The following CDCA5 variants were observed in gnomAD, a reference collection of about 807,000 sequenced individuals.
CDCA5 encodes cell division cycle associated 5, also known as sororin.
A neutral mutation model predicts 25.7 loss-of-function variants in CDCA5; 14 were observed. That is an observed-to-expected ratio of 0.54 (90% CI 0.36 to 0.85). The LOEUF (loss-of-function observed/expected upper bound fraction) is 0.85. Ranked by LOEUF, CDCA5 falls within the 40% of genes least tolerant of loss-of-function variation. CDCA5 has a pLI of 0.01. For missense variants in CDCA5, 307 were observed against 324.5 expected, an observed-to-expected ratio of 0.95 and a Z score of 0.41; for synonymous variants, 127 against 128.7, an observed-to-expected ratio of 0.99 and a Z score of 0.09.
At chr11:65,066,572 C>T (rs552708955) in exon 6 of CDCA5, 2 of 1,289,394 alleles carry the variant, frequency 1.6e-6, no homozygotes, top group South Asian at 2.5e-5. Flanking sequence ...CCACCTCCGG[C>T]AGGGCCTGGC....
chr11:65,061,501 G>A (rs1237253366), downstream of CDCA5, among the ~76,000 whole-genome samples: 2 of 152,160 alleles, frequency 1.3e-5, no homozygotes, highest in Non-Finnish European at 2.9e-5. Flanking sequence ...TAGGCCAGGC[G>A]CGGTGGCTCA....
intron 1 of CDCA5, 105 bp from the exon 2 acceptor site, chr11:65,083,828 G>A: frequency 6.3e-7 from 1 of 1,587,842 alleles, no homozygotes; most frequent in Non-Finnish European, 8.6e-7. Context: ...GCCCTTTTAA[G>A]GGCGCCTCCT....
At chr11:65,081,515 G>T (rs1004436723) in intron 4 of CDCA5, among the ~76,000 whole-genome samples, 1 of 152,018 alleles carries the variant, frequency 6.6e-6, no homozygotes, top group Non-Finnish European at 1.5e-5. Context: ...CAGTCACCCA[G>T]GTCCTGGCAA....
intron 1 of CDCA5, among the ~76,000 whole-genome samples, chr11:65,071,745 G>A (rs551788854): frequency 2.0e-5 from 3 of 152,180 alleles, no homozygotes; most frequent in South Asian, 2.1e-4. Flanking sequence ...AAAGCTCCAC[G>A]GTTACCAGTT....
rs1947520502 is a variant in CDCA5 at position 65,079,591 on chromosome 11, C to T, written c.440G>A (p.Ser147Asn). The T allele has an allele frequency of 6.2e-7, 1 of 1,613,218 alleles. No individual in the cohort carries two copies. The highest frequency in any genetic ancestry group is 8.5e-7 in the Non-Finnish European group (1 of 1,179,512). Residue 147 changes from serine to asparagine, a missense_variant, in exon 5 of 6, where the codon AGC (serine) becomes AAC (asparagine). Coordinates refer to ENST00000275517, the MANE Select transcript of CDCA5 (RefSeq NM_080668.4). The stretch of plus-strand genomic sequence containing the variant: ...GGCAGAGCCCAGGGTCTCCAGCCGG[C>T]TGTAGGAACGCCTGACTTTCTTAGA... ...EMSKKVRRSY[S>N]RLETLGSAST...
At chr11:65,072,858 G>A (rs775893452), downstream of CDCA5, among the ~76,000 whole-genome samples, 6 of 152,094 alleles carry the variant, frequency 3.9e-5, no homozygotes, top group Non-Finnish European at 8.8e-5. Context: ...CTTAAAAAGG[G>A]AGGGAATGGT....
chr11:65,066,297 A>G (rs1396576519), downstream of CDCA5: 1 of 1,148,308 alleles, frequency 8.7e-7, no homozygotes, highest in Admixed American at 3.9e-5. Context: ...GTGAAGCTGA[A>G]GCTTAGCTTC....
exon 2 of CDCA5, chr11:65,068,504 T>C (rs983005861): frequency 3.1e-6 from 4 of 1,289,178 alleles, no homozygotes; most frequent in Non-Finnish European, 4.0e-6. Context: ...GTTCCGCTCC[T>C]CGGAAGCCTG....
chr11:65,070,511 T>G (rs1304383733), intron 1 of CDCA5, among the ~76,000 whole-genome samples: 1 of 152,130 alleles, frequency 6.6e-6, no homozygotes. Context: ...TGAGACAGGG[T>G]CTCACTTTGT....
downstream of CDCA5, among the ~76,000 whole-genome samples, chr11:65,064,225 T>C (rs1947210915): frequency 2.6e-5 from 4 of 152,016 alleles, no homozygotes; most frequent in Non-Finnish European, 4.4e-5. Flanking sequence ...GAGACCACCC[T>C]GGCTAACACG....
At chr11:65,071,310 ACTAT>A (rs1245640691) in intron 1 of CDCA5, among the ~76,000 whole-genome samples, 4 of 148,940 alleles carry the variant, frequency 2.7e-5, no homozygotes, top group African/African-American at 7.4e-5. Context: ...GTACTAGAAA[ACTAT>A]CTATTATTTC....
chr11:65,078,110 C>A lies in CDCA5; in HGVS notation c.*997G>T. The stretch of plus-strand genomic sequence containing the variant: ...TATCAGCCCCCGCCGCTGTCTGGTA[C>A]GCGAGGAAACTTTCCGAGGACTTTA... On this transcript the variant is annotated 3_prime_UTR_variant, in exon 6 of 6. Coordinates refer to ENST00000275517, the MANE Select transcript of CDCA5 (RefSeq NM_080668.4). 5 of 985,452 alleles carry A rather than the reference C, an allele frequency of 5.1e-6. No homozygotes were observed. Among genetic ancestry groups the A allele is most frequent in the Non-Finnish European group, 4.8e-6 (4 of 829,966 alleles). 61.0% of individuals were successfully genotyped at this position (985,452 alleles called of 1,614,324 possible).
chr11:65,072,938 C>CTTTTTTTT (rs751923442), downstream of CDCA5, among the ~76,000 whole-genome samples: 6 of 99,948 alleles, frequency 6.0e-5, no homozygotes, highest in Admixed American at 1.1e-4. Flanking sequence ...TTATTTCATT[C>CTTTTTTTT]TTTTTTTTTT....
downstream of CDCA5, among the ~76,000 whole-genome samples, chr11:65,062,004 T>C (rs1947191416): frequency 7.5e-6 from 1 of 133,828 alleles, no homozygotes; most frequent in Non-Finnish European, 1.5e-5. Flanking sequence ...CACCGCAACC[T>C]CTGCCTCCCA....
At chr11:65,075,392 C>T (rs1947424154), downstream of CDCA5, among the ~76,000 whole-genome samples, 1 of 151,842 alleles carries the variant, frequency 6.6e-6, no homozygotes, top group South Asian at 2.1e-4. Context: ...AGTGAAACTC[C>T]ATCTCAAAAA....
At chr11:65,070,014 G>A (rs1003413731) in intron 1 of CDCA5, among the ~76,000 whole-genome samples, 1 of 152,188 alleles carries the variant, frequency 6.6e-6, no homozygotes, top group African/African-American at 2.4e-5. Flanking sequence ...ATTCTGCTTC[G>A]GAGCTCCAGA....
chr11:65,075,696 G>A (rs190363056), downstream of CDCA5, among the ~76,000 whole-genome samples: 10 of 152,342 alleles, frequency 6.6e-5, no homozygotes, highest in Non-Finnish European at 1.2e-4. Context: ...GCTGCTGGAT[G>A]AGCAGAGCTT....
In CDCA5 at chr11:65,083,207, G is replaced by A. The variant is rs1377238704; in HGVS notation, c.243+157C>T. On this transcript the variant is annotated intron_variant, in intron 4 of 5. Coordinates refer to ENST00000275517, the MANE Select transcript of CDCA5 (RefSeq NM_080668.4). Reference sequence around the variant, plus strand: ...GTTAAGTGTATTAAGTCTTCAGGGAGTAATCAAGACTGGCAATGCATGCAG... The same window carrying A: ...GTTAAGTGTATTAAGTCTTCAGGGAATAATCAAGACTGGCAATGCATGCAG... The A allele has an allele frequency of 5.3e-6, 4 of 753,616 alleles. No homozygotes were observed. The East Asian group carries it at 9.9e-5, about 19-fold the overall frequency. The allele number at this position is 753,616 out of a possible 1,614,324, so 46.7% of individuals were successfully genotyped here. A position where few individuals can be genotyped will look rare whatever the true frequency, so the allele number is the denominator to read the frequency against.
chr11:65,079,115 C>T lies in CDCA5; in HGVS notation c.751G>A (p.Val251Ile). The T allele has an allele frequency of 6.6e-7, 1 of 1,518,148 alleles. No individual in the cohort carries two copies. The highest frequency in any genetic ancestry group is 2.0e-4 in the Middle Eastern group (1 of 5,000). The allele number at this position is 1,518,148 out of a possible 1,614,324, so 94.0% of individuals were successfully genotyped here. A position where few individuals can be genotyped will look rare whatever the true frequency, so the allele number is the denominator to read the frequency against. Residue 251 changes from valine (V) to isoleucine (I), a missense_variant, in exon 6 of 6, where the codon GTT becomes ATT. Physicochemically the swap from Val to Ile is conservative, Grantham distance 29. Coordinates refer to ENST00000275517, the MANE Select transcript of CDCA5 (RefSeq NM_080668.4). ...GCACCCCCCACTGCATCTCATTCAA[C>T]CAGGAGATCAAACTGCTCAGCAGCT... ...FEAAEQFDLL[V>I]E
Sources: allele counts gnomAD v4.1 joint callset (sites outside exome capture counted in the v4.1 genomes callset), GRCh38; gene constraint gnomAD v4.1.1; transcripts MANE v1.5; gene names NCBI Gene and HGNC (gene_info 2026-07-23, HGNC 2026-07-21).